The following CLIC6 variants were observed in gnomAD, a reference collection of about 807,000 sequenced individuals.
CLIC6 encodes the protein CLIC family member 6, also known as chloride intracellular channel protein 6.
A neutral mutation model predicts 49.2 loss-of-function variants in CLIC6; 39 were observed. The ratio of observed to expected loss-of-function variants is 0.79; its 90% CI spans 0.61 to 1.04. CLIC6 has a LOEUF of 1.04. Ranked by LOEUF, CLIC6 falls within the 50% of genes least tolerant of loss-of-function variation. CLIC6 has a pLI of 0.00. For synonymous variants in CLIC6, 446 were observed against 433.4 expected, an observed-to-expected ratio of 1.03 and a Z score of -0.36; for missense variants, 988 against 993.1, an observed-to-expected ratio of 0.99 and a Z score of 0.07.
At chr21:34,690,283 T>C (rs1459423948) in intron 1 of CLIC6, among the ~76,000 whole-genome samples, 1 of 152,196 alleles carries the variant, frequency 6.6e-6, no homozygotes, top group Non-Finnish European at 1.5e-5. Context: ...AGCCAAGTTA[T>C]CATCACATGA....
chr21:34,671,049 CA>C (rs1306092381), intron 1 of CLIC6, among the ~76,000 whole-genome samples: 4 of 150,536 alleles, frequency 2.7e-5, no homozygotes, highest in South Asian at 2.1e-4. Flanking sequence ...TTCAGCATCC[CA>C]CTGTCCTTTG....
intron 1 of CLIC6, among the ~76,000 whole-genome samples, chr21:34,672,340 A>C (rs1601256829): frequency 6.6e-6 from 1 of 152,026 alleles, no homozygotes; most frequent in Non-Finnish European, 1.5e-5. Flanking sequence ...GGGTGTCCCC[A>C]CCCTTTGTTA....
chr21:34,708,507 C>A (rs2056032409), intron 3 of CLIC6, among the ~76,000 whole-genome samples, 193 bp from the exon 4 acceptor site: 1 of 152,188 alleles, frequency 6.6e-6, no homozygotes, highest in African/African-American at 2.4e-5. Context: ...CAGCAACAAT[C>A]CAAACCTCTC....
At chr21:34,696,021 C>T (rs563896442) in intron 1 of CLIC6, among the ~76,000 whole-genome samples, 1 of 152,316 alleles carries the variant, frequency 6.6e-6, no homozygotes, top group East Asian at 1.9e-4. Flanking sequence ...TGTCTAAGGG[C>T]ATGGGAATGG....
At chr21:34,683,054 G>T (rs574726826) in intron 1 of CLIC6, among the ~76,000 whole-genome samples, 1 of 151,466 alleles carries the variant, frequency 6.6e-6, no homozygotes, top group Non-Finnish European at 1.5e-5. Flanking sequence ...CTCGTGATCC[G>T]CCCGTCTCGG....
chr21:34,703,567 T>A (rs2055994178), intron 1 of CLIC6, among the ~76,000 whole-genome samples: 1 of 152,206 alleles, frequency 6.6e-6, no homozygotes, highest in South Asian at 2.1e-4. Context: ...AGAGGCCATT[T>A]GCCTGAACAA....
chr21:34,716,532 A>G lies in CLIC6; in HGVS notation c.*50A>G. 1 of 1,483,442 alleles carries G rather than the reference A, an allele frequency of 6.7e-7. No individual in the cohort carries two copies. The highest frequency in any genetic ancestry group is 9.1e-7 in the Non-Finnish European group (1 of 1,101,220). The allele number at this position is 1,483,442 out of a possible 1,614,324, so 91.9% of individuals were successfully genotyped here. On this transcript the variant is annotated 3_prime_UTR_variant, in exon 6 of 6. Transcript: ENST00000349499. ...TCTCAGTTGAGTGAGCAAGGATACG[A>G]AAACAGTGTGTTTGAAAACAAATTA...
intron 1 of CLIC6, among the ~76,000 whole-genome samples, chr21:34,690,225 C>T (rs1172125580): frequency 6.6e-6 from 1 of 152,150 alleles, no homozygotes. Flanking sequence ...CCTGGATATC[C>T]AGCGGTGCAG....
chr21:34,669,759 A>G lies in CLIC6; in HGVS notation c.371A>G (p.Glu124Gly). Residue 124 changes from glutamate (E) to glycine (G), a missense_variant, in exon 1 of 6, where the codon GAG (glutamate) becomes GGG (glycine). Physicochemically the swap from Glu to Gly is moderately conservative, Grantham distance 98. Transcript: ENST00000349499. Reference protein sequence around the residue: ...GRGAQGEPRGEAQREPEDSAA... With the variant: ...GRGAQGEPRGGAQREPEDSAA... Reference sequence around the variant, plus strand: ...GGCGCGCAGGGCGAGCCCCGCGGGGAGGCTCAGAGGGAGCCCGAGGACTCT... The same window carrying G: ...GGCGCGCAGGGCGAGCCCCGCGGGGGGGCTCAGAGGGAGCCCGAGGACTCT... 1 of 1,395,014 alleles carries G rather than the reference A, an allele frequency of 7.2e-7. No homozygotes were observed. Among genetic ancestry groups the G allele is most frequent in the Non-Finnish European group, 9.2e-7 (1 of 1,084,458 alleles). 86.4% of individuals were successfully genotyped at this position (1,395,014 alleles called of 1,614,324 possible).
At chr21:34,684,537 T>C (rs146582203) in intron 1 of CLIC6, among the ~76,000 whole-genome samples, 4 of 152,378 alleles carry the variant, frequency 2.6e-5, no homozygotes, top group Non-Finnish European at 5.9e-5. Context: ...TTTTTAATTA[T>C]ACATTTTGTA....
chr21:34,707,555 A>G (rs2145818093), intron 2 of CLIC6, among the ~76,000 whole-genome samples, 166 bp downstream of exon 2: 1 of 152,190 alleles, frequency 6.6e-6, no homozygotes, highest in Non-Finnish European at 1.5e-5. Context: ...CAGTCATGAC[A>G]GGGTCGGCTG....
chr21:34,684,982 G>C (rs1326213448), intron 1 of CLIC6, among the ~76,000 whole-genome samples: 1 of 152,186 alleles, frequency 6.6e-6, no homozygotes, highest in African/African-American at 2.4e-5. Flanking sequence ...AGGCAGTTGG[G>C]TCCTTTTCCA....
Position 34,707,934 on chromosome 21 carries a change from T to A in CLIC6, c.1485-10T>A, listed in dbSNP as rs746875784. The A allele has an allele frequency of 3.7e-6, 6 of 1,613,846 alleles. No individual in the cohort carries two copies. Among genetic ancestry groups the A allele is most frequent in the Non-Finnish European group, 4.2e-6 (5 of 1,179,880 alleles). On this transcript the variant is annotated splice_polypyrimidine_tract_variant and intron_variant, in intron 2 of 5. Coordinates refer to ENST00000349499, the MANE Select transcript of CLIC6 (RefSeq NM_053277.3). ...GTGGCCCATAAACACTGCTGTTTCC[T>A]CCCACCTAGGAAACCCGCAGACCTG...
chr21:34,704,348 A>G (rs1314433809), intron 1 of CLIC6, among the ~76,000 whole-genome samples: 1 of 151,996 alleles, frequency 6.6e-6, no homozygotes, highest in Non-Finnish European at 1.5e-5. Flanking sequence ...CATCCCAGTC[A>G]CTCCCACCAT....
intron 1 of CLIC6, among the ~76,000 whole-genome samples, chr21:34,706,746 A>G (rs1440529280): frequency 6.6e-6 from 1 of 152,174 alleles, no homozygotes; most frequent in African/African-American, 2.4e-5. Context: ...TTGCTTGTAT[A>G]ATAGCTAATT....
intron 4 of CLIC6, 71 bp downstream of exon 4, chr21:34,708,877 C>T: frequency 9.4e-7 from 1 of 1,066,448 alleles, no homozygotes; most frequent in South Asian, 1.3e-5. Flanking sequence ...CCATACGCTC[C>T]TGGGGTATTC....
intron 1 of CLIC6, among the ~76,000 whole-genome samples, chr21:34,675,676 G>A (rs1321253488): frequency 6.6e-6 from 1 of 152,156 alleles, no homozygotes; most frequent in Non-Finnish European, 1.5e-5. Flanking sequence ...GCACATGCAT[G>A]CTGGGGGTGG....
chr21:34,682,056 A>G (rs986802994), intron 1 of CLIC6, among the ~76,000 whole-genome samples: 1 of 152,206 alleles, frequency 6.6e-6, no homozygotes, highest in Non-Finnish European at 1.5e-5. Flanking sequence ...TGTATACTCT[A>G]TAATCATTTT....
Position 34,709,408 on chromosome 21 carries a change from A to G in CLIC6, c.1769A>G (p.Asn590Ser), listed in dbSNP as rs746438234. The G allele has an allele frequency of 6.2e-7, 1 of 1,614,138 alleles. No homozygotes were observed. Among genetic ancestry groups the G allele is most frequent in the Admixed American group, 1.7e-5 (1 of 60,014 alleles). The change falls in exon 5 of 6, where the codon AAT (asparagine) becomes AGT (serine). Residue 590 changes from asparagine (N) to serine (S), a missense_variant. Transcript: ENST00000349499. ...KALRKLDNYL[N>S]SPLPDEIDAY... ...CTGAGGAAGCTGGATAATTACTTAAATAGCCCTCTGCCTGATGAAATAGAT... is the reference window on the plus strand; with the variant it reads ...CTGAGGAAGCTGGATAATTACTTAAGTAGCCCTCTGCCTGATGAAATAGAT...
Sources: gnomAD v4.1 joint callset for allele counts (sites outside exome capture counted in the v4.1 genomes callset) on GRCh38, gnomAD v4.1.1 for gene constraint, MANE v1.5 for transcripts, NCBI Gene and HGNC (gene_info 2026-07-23, HGNC 2026-07-21) for gene names.